Variants in CTH observed in about 807,000 individuals in gnomAD.
The protein encoded by CTH is cystathionase (cystathionine gamma-lyase).
CTH carries 41 observed loss-of-function variants against 50.6 expected under a neutral mutation model. That is an observed-to-expected ratio of 0.81 (90% confidence interval 0.63 to 1.05). The LOEUF is 1.05. Ranked by LOEUF, CTH falls within the 50% of genes least tolerant of loss-of-function variation. The probability of loss-of-function intolerance (pLI) is 0.00; values close to 1 mark genes in which losing one functional copy is unlikely to be tolerated. For missense variants in CTH, 470 were observed against 492.6 expected (o/e 0.95, Z 0.43); for synonymous variants, 156 against 168.9 (o/e 0.92, Z 0.59).
intron 1 of CTH, among the ~76,000 whole-genome samples, chr1:70,413,801 G>T (rs1684027984): frequency 6.8e-6 from 1 of 147,612 alleles, no homozygotes; most frequent in African/African-American, 2.5e-5. Flanking sequence ...GAGTGCAGTG[G>T]TGCGATCTTG....
At position 70,429,850 on chromosome 1, in the gene CTH, T is replaced by C; in HGVS notation, c.645T>C (p.Asn215=). Residue 215 remains asparagine (N), a splice_region_variant and synonymous_variant, in exon 6 of 12, where the codon AAT becomes AAC. Coordinates refer to ENST00000370938, the MANE Select transcript of CTH (RefSeq NM_001902.6). ...TGTATTCTGCAACAAAATACATGAA[T>C]GGTAAGATGCATACTTTGAATGTTC... ...ISMYSATKYM[N]GHSDVVMGLV... The C allele has an allele frequency of 6.2e-7, 1 of 1,607,266 alleles. No individual in the cohort carries two copies. The highest frequency in any genetic ancestry group is 1.1e-5 in the South Asian group (1 of 90,918).
In CTH at chr1:70,411,284, C is replaced by G; in HGVS notation, c.-132C>G. On this transcript the variant is annotated 5_prime_UTR_variant, in exon 1 of 12. Coordinates refer to ENST00000370938, the MANE Select transcript of CTH (RefSeq NM_001902.6). ...TCGCTGTGTGCCGCTTTAGTGCGCT[C>G]GCCGTCGGCTCTACCTGCGTGCTTT... is the stretch of plus-strand genomic sequence containing the variant. The G allele has an allele frequency of 1.1e-6, 1 of 887,048 alleles. No individual in the cohort carries two copies. Among genetic ancestry groups the G allele is most frequent in the East Asian group, 2.4e-5 (1 of 41,668 alleles). The allele number at this position is 887,048 out of a possible 1,614,324, so 54.9% of individuals were successfully genotyped here. A position where few individuals can be genotyped will look rare whatever the true frequency, so the allele number is the denominator to read the frequency against.
chr1:70,418,350 A>G (rs190693897), intron 3 of CTH, among the ~76,000 whole-genome samples: 47 of 152,182 alleles, frequency 3.1e-4, no homozygotes, highest in African/African-American at 9.9e-4. Flanking sequence ...CCTGGGTTCA[A>G]ATGGTTCTCA....
intron 5 of CTH, among the ~76,000 whole-genome samples, chr1:70,425,484 G>T (rs759512627): frequency 4.6e-5 from 7 of 152,140 alleles, no homozygotes; most frequent in Non-Finnish European, 8.8e-5. Flanking sequence ...GTTATCTGGG[G>T]CCTCTTTTAT....
rs912398497 is a variant in CTH at position 70,411,316 on chromosome 1, T to C, written c.-100T>C. On this transcript the variant is annotated 5_prime_UTR_variant, in exon 1 of 12. Transcript: ENST00000370938. ...GGCTCTACCTGCGTGCTTTAGCTCC[T>C]TCTCGCCTGATCCTTCTGTCTCTCC... 2 of 1,261,062 alleles carry C rather than the reference T, an allele frequency of 1.6e-6. No homozygotes were observed. Among genetic ancestry groups the C allele is most frequent in the African/African-American group, 2.9e-5 (2 of 68,078 alleles). 78.1% of individuals were successfully genotyped at this position (1,261,062 alleles called of 1,614,324 possible). A position where few individuals can be genotyped will look rare whatever the true frequency, so the allele number is the denominator to read the frequency against.
chr1:70,412,104 A>AT (rs1332055036), intron 1 of CTH, among the ~76,000 whole-genome samples: 1 of 152,120 alleles, frequency 6.6e-6, no homozygotes, highest in African/African-American at 2.4e-5. Context: ...CCGAATTCTC[A>AT]TTTTTTCCCA....
intron 10 of CTH, among the ~76,000 whole-genome samples, chr1:70,436,170 A>G (rs543860): frequency 0.83 from 125,383 of 151,648 alleles, 51,915 homozygotes; most frequent in Admixed American, 0.87. Flanking sequence ...AAATTATCCG[A>G]GTGTGGTGGT....
chr1:70,424,728 A>G (rs1684309433), intron 5 of CTH, among the ~76,000 whole-genome samples: 1 of 152,152 alleles, frequency 6.6e-6, no homozygotes, highest in Non-Finnish European at 1.5e-5. Context: ...GGATCAGGAG[A>G]TCAGGGATCA....
chr1:70,433,766 T>C, intron 8 of CTH, 62 bp from the exon 9 acceptor site: 1 of 1,592,240 alleles, frequency 6.3e-7, no homozygotes, highest in Non-Finnish European at 8.6e-7. Flanking sequence ...AATACCACCC[T>C]CCCCCCCCAA....
chr1:70,429,693 A>G (rs955544521), intron 5 of CTH, 101 bp from the exon 6 acceptor site: 2 of 844,814 alleles, frequency 2.4e-6, no homozygotes, highest in Non-Finnish European at 2.0e-6. Context: ...CAAAGTTAGT[A>G]TTGATTAGAA....
At chr1:70,427,923 G>A (rs1487416274) in intron 5 of CTH, among the ~76,000 whole-genome samples, 5 of 152,082 alleles carry the variant, frequency 3.3e-5, no homozygotes, top group Non-Finnish European at 5.9e-5. Context: ...ATGTTGGCCA[G>A]GCTGGTCTCA....
At chr1:70,432,872 C>T (rs539325284) in intron 8 of CTH, among the ~76,000 whole-genome samples, 22 of 152,068 alleles carry the variant, frequency 1.4e-4, no homozygotes, top group African/African-American at 3.4e-4. Flanking sequence ...TTAGTAAAGA[C>T]GGGGTTTCAC....
At chr1:70,427,195 C>T (rs1377220859) in intron 5 of CTH, among the ~76,000 whole-genome samples, 2 of 152,254 alleles carry the variant, frequency 1.3e-5, no homozygotes, top group South Asian at 2.1e-4. Flanking sequence ...TCCTCTGGAT[C>T]TTCTGTAAGT....
At chr1:70,420,523 A>T (rs1280127756) in intron 3 of CTH, among the ~76,000 whole-genome samples, 4 of 152,124 alleles carry the variant, frequency 2.6e-5, no homozygotes, top group Non-Finnish European at 5.9e-5. Flanking sequence ...CTGATTTGAC[A>T]GGAGACTGAG....
chr1:70,431,096 T>G (rs1312919362), intron 7 of CTH: 1 of 152,018 alleles, frequency 6.6e-6, no homozygotes, highest in East Asian at 2.0e-4. Flanking sequence ...GAGGATTACC[T>G]GAGCCTGGGA....
chr1:70,439,013 G>A, intron 11 of CTH, 88 bp from the exon 12 acceptor site: 1 of 1,519,900 alleles, frequency 6.6e-7, no homozygotes, highest in Non-Finnish European at 9.1e-7. Context: ...TTAAAGGATG[G>A]TAGTATTCAG....
chr1:70,438,304 A>T (rs1055487128), intron 10 of CTH, among the ~76,000 whole-genome samples: 1 of 152,174 alleles, frequency 6.6e-6, no homozygotes, highest in Non-Finnish European at 1.5e-5. Context: ...GAGACCTCTT[A>T]TAAGTAGCAA....
Position 70,416,016 on chromosome 1 carries a change from G to A in CTH, c.229G>A (p.Ala77Thr), listed in dbSNP as rs751389813. ...TRNCLEKAVA[A>T]LDGAKYCLAF... ...GAATTGCCTTGAAAAAGCAGTGGCA[G>A]CACTGGATGGGGCTAAGTACTGTAA... The change falls in exon 2 of 12, where the codon GCA becomes ACA. Residue 77 changes from alanine (A) to threonine (T), a missense_variant. Ala to Thr is a moderately conservative substitution (Grantham distance 58). Coordinates refer to ENST00000370938, the MANE Select transcript of CTH (RefSeq NM_001902.6). 44 of 1,593,104 alleles carry A rather than the reference G, an allele frequency of 2.8e-5. No individual in the cohort carries two copies. The South Asian group carries it at 4.6e-4, about 17-fold the overall frequency.
At chr1:70,415,755 A>G (rs1684076814) in intron 1 of CTH, among the ~76,000 whole-genome samples, 1 of 152,244 alleles carries the variant, frequency 6.6e-6, no homozygotes, top group South Asian at 2.1e-4. Flanking sequence ...AGTGGCAGAT[A>G]CAGAATTCAC....
Sources: allele counts gnomAD v4.1 joint callset (sites outside exome capture counted in the v4.1 genomes callset), GRCh38; gene constraint gnomAD v4.1.1; transcripts MANE v1.5; gene names NCBI Gene and HGNC (gene_info 2026-07-23, HGNC 2026-07-21).